The following NRXN1 variants were observed in gnomAD, a reference collection of about 807,000 sequenced individuals.
The protein encoded by NRXN1 is neurexin 1, also known as neurexin-1.
In NRXN1, 39 loss-of-function variants were observed where a neutral mutation model predicts 150.9. That is an observed-to-expected ratio of 0.26 (90% CI 0.20 to 0.34). NRXN1 has a LOEUF of 0.34. Ranked by LOEUF, NRXN1 falls within the 10% of genes least tolerant of loss-of-function variation. The probability of loss-of-function intolerance (pLI) is 1.00; values close to 1 mark genes in which losing one functional copy is unlikely to be tolerated. For missense variants in NRXN1, 1,815 were observed against 1,949.9 expected (o/e 0.93, Z 1.30); for synonymous variants, 924 against 757.0 (o/e 1.22, Z -3.62).
At chr2:50,562,600 C>T (rs751316152) in intron 8 of NRXN1, among the ~76,000 whole-genome samples, 1 of 151,956 alleles carries the variant, frequency 6.6e-6, no homozygotes, top group African/African-American at 2.4e-5. Context: ...TATTTTTAAT[C>T]CACTGAAAAT....
At chr2:50,901,186 A>G (rs1301185503) in intron 5 of NRXN1, among the ~76,000 whole-genome samples, 1 of 152,108 alleles carries the variant, frequency 6.6e-6, no homozygotes, top group East Asian at 1.9e-4. Context: ...AGCCCACAAG[A>G]GGGGATTCAA....
chr2:50,369,829 G>A (rs1160710383), intron 17 of NRXN1, among the ~76,000 whole-genome samples: 1 of 151,986 alleles, frequency 6.6e-6, no homozygotes, highest in African/African-American at 2.4e-5. Flanking sequence ...TGGTCAAGAT[G>A]TTAATCTCCC....
intron 21 of NRXN1, among the ~76,000 whole-genome samples, chr2:50,042,191 T>G (rs1691084078): frequency 6.6e-6 from 1 of 152,190 alleles, no homozygotes; most frequent in East Asian, 1.9e-4. Context: ...AAATATTGAT[T>G]AATCTAGGAA....
intron 12 of NRXN1, among the ~76,000 whole-genome samples, chr2:50,515,322 T>C (rs933273902): frequency 1.3e-5 from 2 of 152,184 alleles, no homozygotes; most frequent in African/African-American, 4.8e-5. Flanking sequence ...TTCTACCTTA[T>C]GGTGAGATGT....
chr2:50,891,446 T>C (rs1423055434), intron 5 of NRXN1, among the ~76,000 whole-genome samples: 1 of 152,084 alleles, frequency 6.6e-6, no homozygotes, highest in Non-Finnish European at 1.5e-5. Flanking sequence ...GTTCTGTTTA[T>C]ACTTAAATAT....
intron 17 of NRXN1, among the ~76,000 whole-genome samples, chr2:50,443,221 G>A (rs561559718): frequency 2.0e-5 from 3 of 152,146 alleles, no homozygotes; most frequent in South Asian, 2.1e-4. Context: ...TCAAGGGGGG[G>A]AGAGAAATAA....
At chr2:50,706,027 T>G (rs1486523232) in intron 5 of NRXN1, among the ~76,000 whole-genome samples, 3 of 152,278 alleles carry the variant, frequency 2.0e-5, no homozygotes, top group Admixed American at 6.5e-5. Flanking sequence ...AGTAGAACAG[T>G]GATTCACAAA....
intron 5 of NRXN1, among the ~76,000 whole-genome samples, chr2:50,852,425 C>A (rs866335933): frequency 1.3e-5 from 2 of 152,002 alleles, no homozygotes; most frequent in African/African-American, 4.8e-5. Context: ...TTAAAATAAT[C>A]AAAAAATAGT....
chr2:50,446,605 CCTCT>C (rs941448510), intron 17 of NRXN1, among the ~76,000 whole-genome samples: 2 of 149,722 alleles, frequency 1.3e-5, no homozygotes, highest in South Asian at 2.1e-4. Flanking sequence ...TCCCTCCCTC[CCTCT>C]TTTTCTTTGT....
chr2:50,723,263 C>T (rs1696904779), intron 5 of NRXN1, among the ~76,000 whole-genome samples: 1 of 152,126 alleles, frequency 6.6e-6, no homozygotes, highest in Non-Finnish European at 1.5e-5. Flanking sequence ...ACCTGAAATA[C>T]AATATTTGAC....
intron 5 of NRXN1, among the ~76,000 whole-genome samples, chr2:50,844,135 C>T (rs1172657394): frequency 1.3e-5 from 2 of 152,146 alleles, no homozygotes; most frequent in African/African-American, 4.8e-5. Flanking sequence ...ACTAGTCTTG[C>T]AAGATCGGGT....
At chr2:50,004,826 C>G (rs994585147) in intron 21 of NRXN1, among the ~76,000 whole-genome samples, 1 of 152,160 alleles carries the variant, frequency 6.6e-6, no homozygotes, top group Admixed American at 6.6e-5. Flanking sequence ...TCATTCCTTG[C>G]TACACGCATC....
chr2:50,599,648 C>T (rs993615149), intron 8 of NRXN1, among the ~76,000 whole-genome samples: 4 of 151,974 alleles, frequency 2.6e-5, no homozygotes, highest in Admixed American at 2.6e-4. Flanking sequence ...AGTCAATATC[C>T]CAGAAACCAA....
chr2:50,550,681 T>G (rs1667318793), intron 9 of NRXN1, among the ~76,000 whole-genome samples: 1 of 150,808 alleles, frequency 6.6e-6, no homozygotes, highest in East Asian at 2.0e-4. Context: ...TTATTTTTAT[T>G]TTTTATTTTT....
rs199500550 is a variant in NRXN1 at position 50,591,413 on chromosome 2, TA to T, written c.1320+28608del. On this transcript the variant is annotated intron_variant, in intron 8 of 22. Transcript: ENST00000401669. ...ATAGATAGATAGATAGATAGATAGA[TA>T]GATAGATAGATAGATAGATAGATAG... is the stretch of plus-strand genomic sequence containing the variant. Among the ~76,000 whole-genome samples, 118 of 146,980 alleles carry T rather than the reference TA, an allele frequency of 8.0e-4. No homozygotes were observed. The East Asian group carries it at 0.015, about 19-fold the overall frequency.
chr2:50,306,498 G>T (rs921172884), intron 17 of NRXN1, among the ~76,000 whole-genome samples: 2 of 152,182 alleles, frequency 1.3e-5, no homozygotes, highest in African/African-American at 4.8e-5. Flanking sequence ...ATAGATAAAA[G>T]ATTATGAATT....
At chr2:50,662,684 A>G (rs534872260) in intron 5 of NRXN1, among the ~76,000 whole-genome samples, 1 of 152,094 alleles carries the variant, frequency 6.6e-6, no homozygotes, top group East Asian at 1.9e-4. Flanking sequence ...AAGGGAAGCC[A>G]AAAGATTGGG....
intron 2 of NRXN1, among the ~76,000 whole-genome samples, chr2:51,024,272 T>C (rs1670078882): frequency 6.6e-6 from 1 of 152,200 alleles, no homozygotes; most frequent in Non-Finnish European, 1.5e-5. Flanking sequence ...GTGACATTTT[T>C]GCTTAGTTGA....
intron 5 of NRXN1, among the ~76,000 whole-genome samples, chr2:50,724,805 T>G (rs1697124316): frequency 6.6e-6 from 1 of 152,196 alleles, no homozygotes; most frequent in Non-Finnish European, 1.5e-5. Flanking sequence ...ATTCATTTAT[T>G]AAAAAATATT....
Sources: gnomAD v4.1 joint callset for allele counts (sites outside exome capture counted in the v4.1 genomes callset) on GRCh38, gnomAD v4.1.1 for gene constraint, MANE v1.5 for transcripts, NCBI Gene and HGNC (gene_info 2026-07-23, HGNC 2026-07-21) for gene names.